Variants in FSHR observed in about 807,000 individuals in gnomAD.
FSHR encodes follicle-stimulating hormone receptor.
In FSHR, 46 loss-of-function variants were observed where a neutral mutation model predicts 52.1. That is an observed-to-expected ratio of 0.88 (90% CI 0.70 to 1.13). The LOEUF is 1.13. Ranked by LOEUF, FSHR falls within the 50% of genes most tolerant of loss-of-function variation. The pLI, the probability that FSHR is intolerant of heterozygous loss-of-function variation, is 0.00. For missense variants in FSHR, 964 were observed against 834.6 expected (o/e 1.16, Z -1.91); for synonymous variants, 399 against 309.6 (o/e 1.29, Z -3.03).
intron 2 of FSHR, among the ~76,000 whole-genome samples, chr2:49,061,889 C>A (rs1669323542): frequency 6.9e-6 from 1 of 145,644 alleles, no homozygotes. Flanking sequence ...ATCTCCAAAC[C>A]TGGAGCACTC....
At chr2:49,057,238 T>C (rs1669095957) in intron 2 of FSHR, among the ~76,000 whole-genome samples, 1 of 152,050 alleles carries the variant, frequency 6.6e-6, no homozygotes, top group Non-Finnish European at 1.5e-5. Context: ...GTTGCTTTTC[T>C]GAAATGATAA....
chr2:49,133,349 G>C (rs2103816661), intron 1 of FSHR, among the ~76,000 whole-genome samples: 1 of 152,164 alleles, frequency 6.6e-6, no homozygotes, highest in East Asian at 1.9e-4. Context: ...ATCCATGTCA[G>C]GAGAGTGAAG....
chr2:49,103,882 CTTTG>C (rs1455368998), intron 1 of FSHR, among the ~76,000 whole-genome samples: 1 of 151,710 alleles, frequency 6.6e-6, no homozygotes, highest in East Asian at 1.9e-4. Flanking sequence ...ACAACAGGTG[CTTTG>C]TTTGGTTTTC....
chr2:48,972,819 A>T (rs1212890485), intron 8 of FSHR, among the ~76,000 whole-genome samples: 1 of 152,206 alleles, frequency 6.6e-6, no homozygotes, highest in Non-Finnish European at 1.5e-5. Flanking sequence ...GAGCAATACA[A>T]AGCAGGTTAT....
chr2:48,969,047 T>A (rs1292001019), intron 8 of FSHR, among the ~76,000 whole-genome samples, 164 bp from the exon 9 acceptor site: 1 of 152,204 alleles, frequency 6.6e-6, no homozygotes, highest in Admixed American at 6.5e-5. Context: ...ATTTGGCTAA[T>A]AGGACATTTG....
intron 1 of FSHR, among the ~76,000 whole-genome samples, chr2:49,103,759 G>C (rs1041054919): frequency 6.6e-6 from 1 of 152,058 alleles, no homozygotes; most frequent in Non-Finnish European, 1.5e-5. Context: ...TAAGGGTCAG[G>C]GTTTTCCTCT....
At chr2:49,061,111 C>T (rs1669271828) in intron 2 of FSHR, among the ~76,000 whole-genome samples, 1 of 152,094 alleles carries the variant, frequency 6.6e-6, no homozygotes. Context: ...AACGTGGCAC[C>T]TTGAACCCAA....
At chr2:49,077,583 A>T (rs1348712987) in intron 1 of FSHR, among the ~76,000 whole-genome samples, 1 of 152,188 alleles carries the variant, frequency 6.6e-6, no homozygotes, top group African/African-American at 2.4e-5. Flanking sequence ...AGCCAGCTTG[A>T]CTATTTCCTC....
intron 4 of FSHR, among the ~76,000 whole-genome samples, chr2:49,016,608 G>C (rs1667498419): frequency 6.6e-6 from 1 of 152,120 alleles, no homozygotes; most frequent in African/African-American, 2.4e-5. Flanking sequence ...ATGTATAAAT[G>C]AACTTAGCTG....
chr2:49,056,106 A>G (rs1038709970), intron 2 of FSHR, among the ~76,000 whole-genome samples: 28 of 152,148 alleles, frequency 1.8e-4, no homozygotes, highest in Middle Eastern at 3.4e-3. Flanking sequence ...CAAGCAGATA[A>G]CAATTAATTG....
intron 2 of FSHR, among the ~76,000 whole-genome samples, chr2:49,038,631 ATAATAAT>A (rs201278107): frequency 0.023 from 2,307 of 99,546 alleles, 212 homozygotes; most frequent in Admixed American, 0.053. Context: ...TCTCAAAATA[ATAATAAT>A]AATAATAATA....
intron 2 of FSHR, among the ~76,000 whole-genome samples, chr2:49,052,413 A>G (rs1668896000): frequency 6.6e-6 from 1 of 152,212 alleles, no homozygotes; most frequent in African/African-American, 2.4e-5. Context: ...TGACTAAACT[A>G]TCATCTACCT....
At chr2:48,998,768 TA>T (rs146774301) in intron 4 of FSHR, among the ~76,000 whole-genome samples, 7,721 of 150,848 alleles carry the variant, frequency 0.051, 580 homozygotes, top group African/African-American at 0.16. Flanking sequence ...AACTAAGGAT[TA>T]AAAAAAAAGC....
At position 49,006,488 on chromosome 2, in the gene FSHR, C is replaced by T. The variant is rs751264067; in HGVS notation, c.374+11001G>A. Among the ~76,000 whole-genome samples, 126 of 152,212 alleles carry T rather than the reference C, an allele frequency of 8.3e-4. 1 individual carries two copies. The highest frequency in any genetic ancestry group is 2.4e-4 in the Non-Finnish European group (16 of 67,980). On this transcript the variant is annotated intron_variant, in intron 4 of 9. Transcript: ENST00000406846. Reference sequence around the variant, plus strand: ...TAGTTGGGACTCAGTTTCTTTACATCCTTTATCATTTCCGTGGTTATTTCA... The same window carrying T: ...TAGTTGGGACTCAGTTTCTTTACATTCTTTATCATTTCCGTGGTTATTTCA...
intron 4 of FSHR, among the ~76,000 whole-genome samples, chr2:48,997,720 A>G (rs1676086542): frequency 6.6e-6 from 1 of 152,124 alleles, no homozygotes; most frequent in Non-Finnish European, 1.5e-5. Context: ...TCCAGTTGCC[A>G]TATCTGAGAT....
intron 1 of FSHR, among the ~76,000 whole-genome samples, chr2:49,081,993 C>G (rs1042259053): frequency 2.0e-5 from 3 of 152,170 alleles, no homozygotes; most frequent in African/African-American, 7.2e-5. Flanking sequence ...GAATTTCACA[C>G]AAGTTTAAAA....
At chr2:49,023,210 T>G (rs575819912) in intron 2 of FSHR, among the ~76,000 whole-genome samples, 34 of 152,330 alleles carry the variant, frequency 2.2e-4, no homozygotes, top group African/African-American at 7.9e-4. Flanking sequence ...TCTCACAAGA[T>G]CTTTTTCATT....
At chr2:49,127,779 T>G (rs1035687660) in intron 1 of FSHR, among the ~76,000 whole-genome samples, 1 of 47,434 alleles carries the variant, frequency 2.1e-5, no homozygotes, top group Non-Finnish European at 3.9e-5. Context: ...CTTCTTCTTC[T>G]TCTTCTTCTT....
At chr2:49,034,155 G>A (rs1183156305) in intron 2 of FSHR, among the ~76,000 whole-genome samples, 1 of 152,164 alleles carries the variant, frequency 6.6e-6, no homozygotes, top group Non-Finnish European at 1.5e-5. Context: ...AACTTACAGT[G>A]ATTGACTTTC....
Sources: gnomAD v4.1 joint callset for allele counts (sites outside exome capture counted in the v4.1 genomes callset) on GRCh38, gnomAD v4.1.1 for gene constraint, MANE v1.5 for transcripts, NCBI Gene and HGNC (gene_info 2026-07-23, HGNC 2026-07-21) for gene names.